The following PLCG2 variants were observed in gnomAD, a reference collection of about 807,000 sequenced individuals.
PLCG2 encodes the protein 1-phosphatidylinositol 4,5-bisphosphate phosphodiesterase gamma-2.
In PLCG2, 69 loss-of-function variants were observed where a neutral mutation model predicts 175.6. That is an observed-to-expected ratio of 0.39 (90% CI 0.32 to 0.48). The LOEUF is 0.48. PLCG2 is among the 20% of genes least tolerant of loss of function. The pLI is 0.91. For missense variants in PLCG2, 1,798 were observed against 1,650.9 expected (o/e 1.09, Z -1.54); for synonymous variants, 827 against 624.0 (o/e 1.33, Z -4.85).
At chr16:81,914,603 G>C (rs543484070) in intron 19 of PLCG2, among the ~76,000 whole-genome samples, 1 of 152,284 alleles carries the variant, frequency 6.6e-6, no homozygotes, top group Admixed American at 6.5e-5. Context: ...TAGATGTTTG[G>C]TGAGCACCTA....
chr16:81,772,397 T>C (rs1476239640), intron 2 of PLCG2, among the ~76,000 whole-genome samples: 1 of 152,148 alleles, frequency 6.6e-6, no homozygotes, highest in African/African-American at 2.4e-5. Context: ...CCTCCAGAAC[T>C]GTGAGATGAT....
chr16:81,750,405 A>C (rs753043757), intron 1 of PLCG2, among the ~76,000 whole-genome samples: 14 of 134,764 alleles, frequency 1.0e-4, no homozygotes, highest in Admixed American at 2.5e-4. Context: ...GGGTGGTGAT[A>C]GAGTGAGACT....
At chr16:81,896,988 G>C (rs866296821) in intron 13 of PLCG2, among the ~76,000 whole-genome samples, 1 of 152,216 alleles carries the variant, frequency 6.6e-6, no homozygotes, top group African/African-American at 2.4e-5. Context: ...TCTATAAAGA[G>C]CCAGATACAA....
intron 5 of PLCG2, among the ~76,000 whole-genome samples, chr16:81,864,156 C>T (rs865900613): frequency 6.6e-6 from 1 of 152,146 alleles, no homozygotes; most frequent in Non-Finnish European, 1.5e-5. Flanking sequence ...GTGGAGGCTG[C>T]TGGGCTCCAT....
intron 30 of PLCG2, among the ~76,000 whole-genome samples, chr16:81,943,089 C>G (rs1442383941): frequency 6.6e-6 from 1 of 152,138 alleles, no homozygotes; most frequent in Non-Finnish European, 1.5e-5. Context: ...TGGAACCATG[C>G]TATTGGAGTG....
intron 23 of PLCG2, among the ~76,000 whole-genome samples, chr16:81,927,602 G>A (rs56256532): frequency 0.1 from 15,601 of 152,190 alleles, 1,006 homozygotes; most frequent in Middle Eastern, 0.16. Context: ...TGCAAACCTG[G>A]TGGTTGTTCC....
chr16:81,916,484 G>A (rs1567531474), intron 19 of PLCG2, among the ~76,000 whole-genome samples: 2 of 151,990 alleles, frequency 1.3e-5, no homozygotes, highest in Non-Finnish European at 2.9e-5. Flanking sequence ...ACAAATAAAA[G>A]TTGTTTATAT....
At chr16:81,860,172 A>ATTATTATTATTATTTT (rs763047744) in intron 5 of PLCG2, among the ~76,000 whole-genome samples, 18 of 120,610 alleles carry the variant, frequency 1.5e-4, no homozygotes, top group Middle Eastern at 4.4e-3. Context: ...TATTATTATT[A>ATTATTATTATTATTTT]TTTTTTTTTT....
chr16:81,855,028 GGTGAAACCCT>G (rs1327116336), intron 3 of PLCG2, among the ~76,000 whole-genome samples: 1 of 151,964 alleles, frequency 6.6e-6, no homozygotes, highest in Non-Finnish European at 1.5e-5. Context: ...TGGCCAACAT[GGTGAAACCCT>G]GTCTCTACTA....
intron 1 of PLCG2, among the ~76,000 whole-genome samples, chr16:81,782,409 C>A (rs546491219): frequency 3.5e-4 from 52 of 149,814 alleles, no homozygotes; most frequent in African/African-American, 1.1e-3. Context: ...TTTGAAAAAA[C>A]CAAAAAAAGC....
intron 19 of PLCG2, among the ~76,000 whole-genome samples, chr16:81,915,135 G>C (rs1454402848): frequency 6.6e-6 from 1 of 152,212 alleles, no homozygotes; most frequent in African/African-American, 2.4e-5. Context: ...ATTTTGTGAT[G>C]AGTGCTACAA....
intron 2 of PLCG2, among the ~76,000 whole-genome samples, chr16:81,791,911 C>T (rs1282112973): frequency 6.6e-6 from 1 of 152,138 alleles, no homozygotes; most frequent in Non-Finnish European, 1.5e-5. Context: ...TGGTCTCAGG[C>T]AGAAGAGTCC....
Position 81,875,563 on chromosome 16 carries a change from T to C in PLCG2, c.648+4628T>C, listed in dbSNP as rs547877455. Among the ~76,000 whole-genome samples the C allele has an allele frequency of 1.6e-3, 240 of 152,284 alleles. 3 individuals carry two copies. Among genetic ancestry groups the C allele is most frequent in the African/African-American group, 5.6e-3 (232 of 41,566 alleles). On this transcript the variant is annotated intron_variant, in intron 7 of 32. Transcript: ENST00000564138. ...ATGTATCATCAGCTGACTTCAGCCATTATCACCTTGTCACTGCCCTCACCC... is the reference window on the plus strand; with the variant it reads ...ATGTATCATCAGCTGACTTCAGCCACTATCACCTTGTCACTGCCCTCACCC...
intron 13 of PLCG2, chr16:81,898,366 A>G (rs929077945): frequency 2.6e-5 from 4 of 152,758 alleles, no homozygotes; most frequent in African/African-American, 9.7e-5. Context: ...TGTCAGTTAC[A>G]TTTTGATACC....
intron 9 of PLCG2, 162 bp downstream of exon 9, chr16:81,883,503 A>T: frequency 3.2e-6 from 2 of 622,042 alleles, no homozygotes; most frequent in East Asian, 5.5e-5. Context: ...AGTCTGCCAG[A>T]TGCCAGAGAC....
At position 81,921,476 on chromosome 16, in the gene PLCG2, G is replaced by GCAA. The variant is rs1046177745; in HGVS notation, c.2307+210_2307+212dup. The GCAA allele has an allele frequency of 6.6e-6, 4 of 603,552 alleles. No homozygotes were observed. The African/African-American group carries it at 7.4e-5, about 11-fold the overall frequency. 37.4% of individuals were successfully genotyped at this position (603,552 alleles called of 1,614,324 possible). Reference sequence around the variant, plus strand: ...AATGTTAATAGAATTCCATCCAAATGCAACAGTGTTTTGCTAAAATTCTGA... The same window carrying GCAA: ...AATGTTAATAGAATTCCATCCAAATGCAACAACAGTGTTTTGCTAAAATTCTGA... On this transcript the variant is annotated intron_variant, in intron 21 of 32. Coordinates refer to ENST00000564138, the MANE Select transcript of PLCG2 (RefSeq NM_002661.5).
intron 2 of PLCG2, among the ~76,000 whole-genome samples, chr16:81,797,281 GA>G (rs35978156): frequency 0.18 from 26,554 of 146,594 alleles, 3,407 homozygotes; most frequent in East Asian, 0.68. Flanking sequence ...AATCATTTTT[GA>G]AAAAAAAAAA....
At chr16:81,950,020 A>T (rs1475049737) in intron 31 of PLCG2, among the ~76,000 whole-genome samples, 1 of 152,184 alleles carries the variant, frequency 6.6e-6, no homozygotes, top group Non-Finnish European at 1.5e-5. Context: ...CAGACAAGAA[A>T]TAAGGAGGAA....
In PLCG2 at chr16:81,927,580, TC is replaced by T. The variant is rs1257875764; in HGVS notation, c.2514+404del. On this transcript the variant is annotated intron_variant, in intron 23 of 32. Coordinates refer to ENST00000564138, the MANE Select transcript of PLCG2 (RefSeq NM_002661.5). ...CCTAACCAGAGGTGAGATGAGGCCT[TC>T]CTGGTGACTTTGCAAACCTGGTGGT... Among the ~76,000 whole-genome samples, 10 of 152,290 alleles carry T rather than the reference TC, an allele frequency of 6.6e-5. No homozygotes were observed. The East Asian group carries it at 1.9e-3, about 29-fold the overall frequency.
Sources: gnomAD v4.1 joint callset for allele counts (sites outside exome capture counted in the v4.1 genomes callset) on GRCh38, gnomAD v4.1.1 for gene constraint, MANE v1.5 for transcripts, NCBI Gene and HGNC (gene_info 2026-07-23, HGNC 2026-07-21) for gene names.